The following KIAA0232 variants were observed in gnomAD, a reference collection of about 807,000 sequenced individuals.
KIAA0232 encodes the protein uncharacterized protein KIAA0232.
In KIAA0232, 27 loss-of-function variants were observed where a neutral mutation model predicts 122.0. That is an observed-to-expected ratio of 0.22 (90% CI 0.16 to 0.31). KIAA0232 has a LOEUF of 0.31. KIAA0232 is among the 10% of genes least tolerant of loss of function. The pLI, the probability that KIAA0232 is intolerant of heterozygous loss-of-function variation, is 1.00. For synonymous variants in KIAA0232, 613 were observed against 587.6 expected (o/e 1.04, Z -0.63); for missense variants, 1,551 against 1,634.2 (o/e 0.95, Z 0.88).
At chr4:6,794,259 C>A (rs1047019114) in intron 1 of KIAA0232, among the ~76,000 whole-genome samples, 8 of 152,192 alleles carry the variant, frequency 5.3e-5, no homozygotes, top group Admixed American at 5.2e-4. Flanking sequence ...CATCCTGCAC[C>A]GGACAGAAAG....
rs559026337 is a variant in KIAA0232, at chr4:6,877,234, T to A, written c.4008+477T>A. ...GCCCTTTCCGTGTCCTCCTGCACTC[T>A]GTGCACGACTCTTCTTGCTGTAGCC... On this transcript the variant is annotated intron_variant, in intron 9 of 9. Transcript: ENST00000307659. Among the ~76,000 whole-genome samples, 58 of 152,342 alleles carry A rather than the reference T, an allele frequency of 3.8e-4. 1 individual carries two copies. In the South Asian group the frequency reaches 0.011, roughly 30 times the overall value.
intron 1 of KIAA0232, among the ~76,000 whole-genome samples, chr4:6,787,234 G>A (rs1187290667): frequency 6.8e-6 from 1 of 146,296 alleles, no homozygotes; most frequent in Admixed American, 6.8e-5. Context: ...TAATTCCCAA[G>A]AGATTACATG....
Position 6,871,578 on chromosome 4 carries a change from C to G in KIAA0232, c.3806C>G (p.Pro1269Arg). 6.3e-7 allele frequency: 1 copy of G among 1,578,664 alleles called. No homozygotes were observed. The highest frequency in any genetic ancestry group is 1.1e-5 in the South Asian group (1 of 89,540). ...PVSSGQLEEFPVLNTDIQGMN... is the reference protein window; with the variant it reads ...PVSSGQLEEFRVLNTDIQGMN... ...TATTTGGTTTAATCTAAACAGTTCC[C>G]TGTATTGAACACTGATATACAAGGA... Residue 1269 changes from proline to arginine, a missense_variant, in exon 8 of 10, where the codon CCT (proline) becomes CGT (arginine). Pro to Arg is a moderately radical substitution (Grantham distance 103, BLOSUM62 -2). This residue lies in a region of KIAA0232 where 1,108 missense variants were observed against 1,154.8 expected (regional missense o/e 0.96). Coordinates refer to ENST00000307659, the MANE Select transcript of KIAA0232 (RefSeq NM_014743.3).
chr4:6,840,486 C>G (rs1455384782), intron 3 of KIAA0232, among the ~76,000 whole-genome samples: 1 of 152,132 alleles, frequency 6.6e-6, no homozygotes. Context: ...TGCTTTTTCT[C>G]CCCCAGTTCC....
At chr4:6,820,989 C>T (rs1043918133) in intron 2 of KIAA0232, among the ~76,000 whole-genome samples, 1 of 152,004 alleles carries the variant, frequency 6.6e-6, no homozygotes, top group African/African-American at 2.4e-5. Context: ...TGAACTTATC[C>T]TTTTATCAGG....
intron 4 of KIAA0232, among the ~76,000 whole-genome samples, chr4:6,848,575 A>G (rs564146184): frequency 1.3e-5 from 2 of 152,226 alleles, no homozygotes; most frequent in African/African-American, 4.8e-5. Context: ...TGTGTAGGTT[A>G]TATGCAAATA....
intron 7 of KIAA0232, 32 bp from the exon 8 acceptor site, chr4:6,871,542 A>G: frequency 7.9e-7 from 1 of 1,272,748 alleles, no homozygotes; most frequent in Admixed American, 1.9e-5. Context: ...AAAGTTTATA[A>G]ACTTTTTCTG....
intron 4 of KIAA0232, among the ~76,000 whole-genome samples, chr4:6,844,915 C>A (rs190384628): frequency 1.5e-4 from 23 of 152,252 alleles, no homozygotes; most frequent in Non-Finnish European, 3.2e-4. Context: ...TCACTGAAGC[C>A]AAGTGCTAAA....
intron 9 of KIAA0232, among the ~76,000 whole-genome samples, chr4:6,877,523 G>A (rs1721821929): frequency 6.6e-6 from 1 of 152,062 alleles, no homozygotes; most frequent in African/African-American, 2.4e-5. Context: ...TAACTCACAC[G>A]ATCACAAGGT....
intron 4 of KIAA0232, among the ~76,000 whole-genome samples, chr4:6,843,991 G>A (rs1217780785): frequency 8.4e-6 from 1 of 119,046 alleles, no homozygotes; most frequent in East Asian, 2.8e-4. Context: ...CCAGGCTGAA[G>A]TGCAGTGGCG....
At position 6,861,484 on chromosome 4, in the gene KIAA0232, A is replaced by G. The variant is rs962831009; in HGVS notation, c.1102A>G (p.Arg368Gly). Residue 368 changes from arginine to glycine, a missense_variant, in exon 7 of 10, where the codon AGA becomes GGA. Arg to Gly is a moderately radical substitution (Grantham distance 125). Around this residue, in one of 5 missense-constraint regions of KIAA0232, gnomAD observed 377 missense variants for 381.7 expected, o/e 0.99. Transcript: ENST00000307659. ...CAAACAGCTGTGCAAGCGGGGTAAG[A>G]GACCTTTAAAAGAAATAGGGAGAAA... ...SVKQLCKRGK[R>G]PLKEIGRKDP... The G allele has an allele frequency of 2.5e-6, 4 of 1,614,098 alleles. No individual in the cohort carries two copies. Among genetic ancestry groups the G allele is most frequent in the Admixed American group, 3.3e-5 (2 of 60,002 alleles).
intron 4 of KIAA0232, among the ~76,000 whole-genome samples, chr4:6,845,085 G>A (rs908985999): frequency 6.6e-6 from 1 of 152,186 alleles, no homozygotes; most frequent in African/African-American, 2.4e-5. Flanking sequence ...AGCACATAGT[G>A]AAGAATGGCC....
intron 2 of KIAA0232, among the ~76,000 whole-genome samples, chr4:6,807,179 C>T (rs1233828733): frequency 1.3e-5 from 2 of 152,156 alleles, no homozygotes; most frequent in Non-Finnish European, 2.9e-5. Context: ...GGATTATAGG[C>T]ACACACCATG....
chr4:6,880,989 T>C lies in KIAA0232; in HGVS notation c.*23T>C. The stretch of plus-strand genomic sequence containing the variant: ...TAAACCTGCAAAATAGTACAAATTA[T>C]TGTTTAAAAATGATATGTGATGGAA... On this transcript the variant is annotated 3_prime_UTR_variant, in exon 10 of 10. Transcript: ENST00000307659. The C allele has an allele frequency of 7.0e-7, 1 of 1,434,870 alleles. No individual in the cohort carries two copies. The highest frequency in any genetic ancestry group is 9.2e-7 in the Non-Finnish European group (1 of 1,084,754). 88.9% of individuals were successfully genotyped at this position (1,434,870 alleles called of 1,614,324 possible).
At chr4:6,783,263 CCCCCG>C (rs1295725662) in intron 1 of KIAA0232, among the ~76,000 whole-genome samples, 1 of 152,204 alleles carries the variant, frequency 6.6e-6, no homozygotes, top group Non-Finnish European at 1.5e-5. Flanking sequence ...GGCCCTGGGA[CCCCCG>C]CCCCGACCCC....
rs1250358400 is a variant in KIAA0232 at position 6,855,001 on chromosome 4, G to A, written c.370-2163G>A. ...CTGCCAGGAGACAACAAAGGGTGAT[G>A]ACAGCTTCTGCTGTGCCTCTATGCT... On this transcript the variant is annotated intron_variant, in intron 4 of 9. Coordinates refer to ENST00000307659, the MANE Select transcript of KIAA0232 (RefSeq NM_014743.3). This position sits in a 1 kb window ranked among gnomAD's most constrained non-coding sequence, Gnocchi z 4.3. Among the ~76,000 whole-genome samples the A allele has an allele frequency of 1.3e-5, 2 of 152,204 alleles. No homozygotes were observed. The highest frequency in any genetic ancestry group is 4.8e-5 in the African/African-American group (2 of 41,448).
intron 4 of KIAA0232, among the ~76,000 whole-genome samples, chr4:6,847,877 C>T (rs1720052976): frequency 6.6e-6 from 1 of 150,728 alleles, no homozygotes; most frequent in Non-Finnish European, 1.5e-5. Context: ...AAAAAAACTA[C>T]TTATATTTGT....
intron 2 of KIAA0232, among the ~76,000 whole-genome samples, chr4:6,806,009 T>G (rs1283735766): frequency 6.6e-6 from 1 of 152,218 alleles, no homozygotes; most frequent in Non-Finnish European, 1.5e-5. Context: ...TGTTATCTTT[T>G]GCAAGGAAGG....
At chr4:6,864,909 A>T (rs760180812) in intron 7 of KIAA0232, among the ~76,000 whole-genome samples, 4 of 152,236 alleles carry the variant, frequency 2.6e-5, no homozygotes, top group Non-Finnish European at 4.4e-5. Context: ...TGTGTTTTAC[A>T]TATAAAACAA....
Sources: allele counts gnomAD v4.1 joint callset (sites outside exome capture counted in the v4.1 genomes callset), GRCh38; gene constraint gnomAD v4.1.1; regional missense constraint gnomAD v4.1.1; non-coding constraint Gnocchi (gnomAD v3.1); transcripts MANE v1.5; gene names NCBI Gene and HGNC (gene_info 2026-07-23, HGNC 2026-07-21).